The following ARFGAP1 variants were observed in gnomAD, a reference collection of about 807,000 sequenced individuals.
ARFGAP1 encodes the protein ARF GTPase activating protein 1, also known as ADP-ribosylation factor GTPase-activating protein 1.
ARFGAP1 carries 26 observed loss-of-function variants against 54.0 expected under a neutral mutation model. The observed-to-expected ratio is 0.48, with a 90% CI of 0.35 to 0.67. The LOEUF (loss-of-function observed/expected upper bound fraction) is 0.67. Ranked by LOEUF, ARFGAP1 falls within the 30% of genes least tolerant of loss-of-function variation. ARFGAP1 has a pLI of 0.00. For missense variants in ARFGAP1, 525 were observed against 535.8 expected, an observed-to-expected ratio of 0.98 and a Z score of 0.20; for synonymous variants, 248 against 211.9, an observed-to-expected ratio of 1.17 and a Z score of -1.48.
chr20:63,280,737 G>A (rs1194900195), intron 7 of ARFGAP1, among the ~76,000 whole-genome samples: 1 of 152,246 alleles, frequency 6.6e-6, no homozygotes, highest in Admixed American at 6.5e-5. Context: ...CTGGGAAGCT[G>A]CTCTCTGGGG....
In ARFGAP1 at chr20:63,288,873, G is replaced by A. The variant is rs994461063; in HGVS notation, c.*1000G>A. 4.1e-4 allele frequency: 113 copies of A among 274,744 alleles called. No homozygotes were observed. Among genetic ancestry groups the A allele is most frequent in the Admixed American group, 7.6e-4 (17 of 22,246 alleles). The allele number at this position is 274,744 out of a possible 1,614,324, so 17.0% of individuals were successfully genotyped here. A position where few individuals can be genotyped will look rare whatever the true frequency, so the allele number is the denominator to read the frequency against. ...CTCAGTCTTGGCCAGCCATGCATGC[G>A]CCCGAAGCTCGTGCAGTTTGTACGT... On this transcript the variant is annotated 3_prime_UTR_variant, in exon 13 of 13. Transcript: ENST00000370283.
chr20:63,287,672 C>T lies in ARFGAP1; in HGVS notation c.1020C>T (p.Thr340=), dbSNP rs1354176007. 6.2e-7 allele frequency: 1 copy of T among 1,612,476 alleles called. No individual in the cohort carries two copies. Among genetic ancestry groups the T allele is most frequent in the Non-Finnish European group, 8.5e-7 (1 of 1,179,936 alleles). Reference sequence around the variant, plus strand: ...TTGGAAGTGCTGAGCCCACCAAGACCCGCAAGTCCCCGAGCAGCGACAGCT... The same window carrying T: ...TTGGAAGTGCTGAGCCCACCAAGACTCGCAAGTCCCCGAGCAGCGACAGCT... ...ETFGSAEPTK[T]RKSPSSDSWT... The change falls in exon 13 of 13, where the codon ACC becomes ACT. Residue 340 remains threonine, a synonymous_variant. Transcript: ENST00000370283.
At chr20:63,275,836 T>G (rs2067221681) in intron 2 of ARFGAP1, among the ~76,000 whole-genome samples, 196 bp downstream of exon 2, 1 of 152,212 alleles carries the variant, frequency 6.6e-6, no homozygotes, top group South Asian at 2.1e-4. Flanking sequence ...CTGGCGCTCA[T>G]CAGTGCTGGC....
intron 7 of ARFGAP1, among the ~76,000 whole-genome samples, chr20:63,280,981 C>A (rs1298377877): frequency 6.6e-6 from 1 of 152,206 alleles, no homozygotes; most frequent in Non-Finnish European, 1.5e-5. Flanking sequence ...GGAGCGCCGG[C>A]CATGGGGAGG....
intron 11 of ARFGAP1, 194 bp downstream of exon 11, chr20:63,285,907 C>A: frequency 6.9e-7 from 1 of 1,453,670 alleles, no homozygotes; most frequent in Non-Finnish European, 9.2e-7. Flanking sequence ...CACTGCGGCC[C>A]GGTCAGCCAC....
chr20:63,281,229 T>A, intron 7 of ARFGAP1, 62 bp from the exon 8 acceptor site: 1 of 1,519,396 alleles, frequency 6.6e-7, no homozygotes, highest in South Asian at 1.2e-5. Flanking sequence ...TGAGATACTC[T>A]GCTCAGCGCC....
intron 1 of ARFGAP1, chr20:63,273,423 A>G (rs940882907): frequency 6.6e-6 from 1 of 152,232 alleles, no homozygotes; most frequent in African/African-American, 2.4e-5. Flanking sequence ...GAGGGTCCTA[A>G]GAAGGAGATA....
Position 63,277,219 on chromosome 20 carries a change from C to G in ARFGAP1, c.357C>G (p.Ala119=). 1 of 1,612,374 alleles carries G rather than the reference C, an allele frequency of 6.2e-7. No homozygotes were observed. The highest frequency in any genetic ancestry group is 8.5e-7 in the Non-Finnish European group (1 of 1,179,838). ...ALFRDKVVAL[A]EGREWSLESS... ...CTCCTTGTCAGGTGGTCGCTCTGGCCGAAGGCAGAGAGTGGTCTCTGGAGT... is the reference window on the plus strand; with the variant it reads ...CTCCTTGTCAGGTGGTCGCTCTGGCGGAAGGCAGAGAGTGGTCTCTGGAGT... The change falls in exon 5 of 13, where the codon GCC becomes GCG. Residue 119 remains alanine, a synonymous_variant. Transcript: ENST00000370283.
Position 63,289,013 on chromosome 20 carries a change from G to C in ARFGAP1, c.*1140G>C, listed in dbSNP as rs964690069. The C allele has an allele frequency of 1.1e-5, 2 of 182,464 alleles. No individual in the cohort carries two copies. Among genetic ancestry groups the C allele is most frequent in the African/African-American group, 4.6e-5 (2 of 43,264 alleles). 11.3% of individuals were successfully genotyped at this position (182,464 alleles called of 1,614,324 possible). Reference sequence around the variant, plus strand: ...CTCCTGGAGCAGCCTGGGCCCTTCAGCCCCTGTGCTCGTCCCACCCTAGGG... The same window carrying C: ...CTCCTGGAGCAGCCTGGGCCCTTCACCCCCTGTGCTCGTCCCACCCTAGGG... On this transcript the variant is annotated 3_prime_UTR_variant, in exon 13 of 13. Coordinates refer to ENST00000370283, the MANE Select transcript of ARFGAP1 (RefSeq NM_018209.4).
intron 8 of ARFGAP1, among the ~76,000 whole-genome samples, chr20:63,282,060 C>A (rs1220867908): frequency 1.3e-5 from 2 of 151,748 alleles, no homozygotes; most frequent in African/African-American, 4.8e-5. Flanking sequence ...TCACCTGTCA[C>A]ATGCCCCTGT....
At chr20:63,279,215 TTA>T in intron 7 of ARFGAP1, 1 of 634,170 alleles carries the variant, frequency 1.6e-6, no homozygotes, top group Non-Finnish European at 2.9e-6. Flanking sequence ...TTTTTTTTTT[TTA>T]AGACGGAGTC....
At chr20:63,275,468 G>C (rs2067212364) in intron 1 of ARFGAP1, 109 bp from the exon 2 acceptor site, 9 of 1,065,018 alleles carry the variant, frequency 8.5e-6, no homozygotes, top group African/African-American at 1.6e-5. Flanking sequence ...CAGCTCAACA[G>C]ATTGCCCCTC....
At chr20:63,281,480 T>A in intron 8 of ARFGAP1, 133 bp downstream of exon 8, 4 of 1,139,134 alleles carry the variant, frequency 3.5e-6, no homozygotes, top group Non-Finnish European at 5.0e-6. Context: ...AACCATGGGC[T>A]GTGCCAACGC....
At chr20:63,284,195 G>C (rs2067462142) in intron 9 of ARFGAP1, 1 of 1,282,034 alleles carries the variant, frequency 7.8e-7, no homozygotes, top group Non-Finnish European at 9.9e-7. Context: ...GAGGGCGGGG[G>C]CACTGGGCGC....
At chr20:63,283,122 C>T in intron 9 of ARFGAP1, 4 of 531,408 alleles carry the variant, frequency 7.5e-6, no homozygotes, top group Non-Finnish European at 1.0e-5. Flanking sequence ...CAGCCGGCCA[C>T]CTTGTTGGGA....
intron 5 of ARFGAP1, 105 bp from the exon 6 acceptor site, chr20:63,278,012 G>A (rs939072552): frequency 1.9e-5 from 19 of 1,023,580 alleles, no homozygotes; most frequent in Non-Finnish European, 2.4e-5. Flanking sequence ...CAGGGGTGAC[G>A]TGAAGGCACT....
Position 63,276,409 on chromosome 20 carries a change from A to T in ARFGAP1, c.171-71A>T. ...CTGCTTGCTGTGTCTAATTCTCAGGACGATGCTGGGTGGAGGGTGTCCCTG... is the reference window on the plus strand; with the variant it reads ...CTGCTTGCTGTGTCTAATTCTCAGGTCGATGCTGGGTGGAGGGTGTCCCTG... On this transcript the variant is annotated intron_variant, in intron 3 of 12. Transcript: ENST00000370283. The surrounding 1 kb of genome is among the most constrained non-coding windows in gnomAD (Gnocchi z 5.2). 1.9e-6 allele frequency: 3 copies of T among 1,552,062 alleles called. No homozygotes were observed. The highest frequency in any genetic ancestry group is 2.6e-6 in the Non-Finnish European group (3 of 1,143,202).
rs540954738 is a variant in ARFGAP1, at chr20:63,287,881, T to C, written c.*8T>C. The stretch of plus-strand genomic sequence containing the variant: ...GACAACCAGAACTGGTAGGGCCCAC[T>C]GCGCCCCCGTCCCCAGCGCCCCCGG... On this transcript the variant is annotated 3_prime_UTR_variant, in exon 13 of 13. Transcript: ENST00000370283. 1.3e-6 allele frequency: 2 copies of C among 1,512,960 alleles called. No homozygotes were observed. Among genetic ancestry groups the C allele is most frequent in the Non-Finnish European group, 1.8e-6 (2 of 1,128,040 alleles). The allele number at this position is 1,512,960 out of a possible 1,614,324, so 93.7% of individuals were successfully genotyped here.
Position 63,277,316 on chromosome 20 carries a change from C to G in ARFGAP1, c.443+11C>G. Reference sequence around the variant, plus strand: ...GTCCATGGTGCACCGGTAGCTGCTCCTCGTGGGGCCTTAGTACAGTTTCCA... The same window carrying G: ...GTCCATGGTGCACCGGTAGCTGCTCGTCGTGGGGCCTTAGTACAGTTTCCA... On this transcript the variant is annotated intron_variant, in intron 5 of 12. Transcript: ENST00000370283. The G allele has an allele frequency of 1.9e-6, 3 of 1,608,878 alleles. No individual in the cohort carries two copies. Among genetic ancestry groups the G allele is most frequent in the Admixed American group, 3.4e-5 (2 of 59,698 alleles).
Sources: allele counts gnomAD v4.1 joint callset (sites outside exome capture counted in the v4.1 genomes callset), GRCh38; gene constraint gnomAD v4.1.1; non-coding constraint Gnocchi (gnomAD v3.1); transcripts MANE v1.5; gene names NCBI Gene and HGNC (gene_info 2026-07-23, HGNC 2026-07-21).